Variants in PPP1R12B observed in about 807,000 individuals in gnomAD.
The protein encoded by PPP1R12B is protein phosphatase 1 regulatory subunit 12B.
A neutral mutation model predicts 126.1 loss-of-function variants in PPP1R12B; 76 were observed. The ratio of observed to expected loss-of-function variants is 0.60; its 90% CI spans 0.50 to 0.73. The LOEUF (loss-of-function observed/expected upper bound fraction) is 0.73, where lower values mean the gene tolerates loss of function less well. Ranked by LOEUF, PPP1R12B falls within the 30% of genes least tolerant of loss-of-function variation. PPP1R12B has a pLI of 0.00. For synonymous variants in PPP1R12B, 356 were observed against 434.7 expected, an observed-to-expected ratio of 0.82 and a Z score of 2.25; for missense variants, 1,052 against 1,205.1, an observed-to-expected ratio of 0.87 and a Z score of 1.88.
chr1:202,482,046 C>G (rs115153378), intron 13 of PPP1R12B, among the ~76,000 whole-genome samples: 1 of 151,900 alleles, frequency 6.6e-6, no homozygotes, highest in Non-Finnish European at 1.5e-5. Context: ...CCAGGTTCAT[C>G]TGTGTTGTTG....
At chr1:202,575,751 T>C (rs1361420490) in intron 23 of PPP1R12B, 1 of 152,230 alleles carries the variant, frequency 6.6e-6, no homozygotes. Context: ...GTGGTCTGGG[T>C]TGAGACCCAG....
At chr1:202,564,970 A>G (rs1301949486) in intron 21 of PPP1R12B, among the ~76,000 whole-genome samples, 1 of 152,224 alleles carries the variant, frequency 6.6e-6, no homozygotes, top group African/African-American at 2.4e-5. Flanking sequence ...AATTAAGCCT[A>G]GAGAAGTAAG....
chr1:202,437,657 T>C (rs1210447704), intron 9 of PPP1R12B, among the ~76,000 whole-genome samples, 164 bp from the exon 10 acceptor site: 90 of 152,296 alleles, frequency 5.9e-4, no homozygotes, highest in African/African-American at 2.0e-3. Flanking sequence ...TAGCTTTTGC[T>C]GGGTGAGGGA....
intron 13 of PPP1R12B, among the ~76,000 whole-genome samples, chr1:202,474,511 C>T (rs571778714): frequency 3.9e-5 from 6 of 152,076 alleles, no homozygotes; most frequent in East Asian, 1.9e-4. Context: ...CTCCTGGCCT[C>T]GGGTAATCTG....
At chr1:202,447,724 A>G (rs1396580975) in intron 12 of PPP1R12B, among the ~76,000 whole-genome samples, 5 of 152,252 alleles carry the variant, frequency 3.3e-5, no homozygotes, top group Non-Finnish European at 5.9e-5. Context: ...AATTACAGTG[A>G]GACCAAAACA....
At chr1:202,466,298 T>C (rs542015182) in intron 13 of PPP1R12B, among the ~76,000 whole-genome samples, 46 of 152,248 alleles carry the variant, frequency 3.0e-4, no homozygotes, top group Non-Finnish European at 5.7e-4. Flanking sequence ...AATTACTAAA[T>C]TCCTTAGTCA....
intron 18 of PPP1R12B, among the ~76,000 whole-genome samples, chr1:202,531,867 C>T (rs1301735470): frequency 1.3e-5 from 2 of 152,286 alleles, no homozygotes; most frequent in African/African-American, 2.4e-5. Flanking sequence ...ACTAGAAAAG[C>T]AGTCCGATCT....
At chr1:202,538,036 T>C (rs1684729161) in intron 18 of PPP1R12B, among the ~76,000 whole-genome samples, 1 of 152,256 alleles carries the variant, frequency 6.6e-6, no homozygotes, top group Non-Finnish European at 1.5e-5. Flanking sequence ...TCGCCCAGGC[T>C]AGAGTGCAAT....
chr1:202,458,890 C>G (rs1344926990), intron 13 of PPP1R12B, among the ~76,000 whole-genome samples: 3 of 152,204 alleles, frequency 2.0e-5, no homozygotes, highest in Non-Finnish European at 2.9e-5. Context: ...GGCTTTAAAA[C>G]TGGCCACAGC....
At chr1:202,359,563 G>A (rs1020237262) in intron 1 of PPP1R12B, among the ~76,000 whole-genome samples, 5 of 151,670 alleles carry the variant, frequency 3.3e-5, no homozygotes, top group Admixed American at 2.0e-4. Flanking sequence ...GTGAATCACC[G>A]GAGGTCAGGA....
In PPP1R12B at chr1:202,583,438, T is replaced by C. The variant is rs1443491601; in HGVS notation, c.*2878T>C. 2.0e-5 allele frequency: 3 copies of C among 152,216 alleles called. No individual in the cohort carries two copies. The highest frequency in any genetic ancestry group is 4.4e-5 in the Non-Finnish European group (3 of 68,042). 9.4% of individuals were successfully genotyped at this position (152,216 alleles called of 1,614,324 possible). A position where few individuals can be genotyped will look rare whatever the true frequency, so the allele number is the denominator to read the frequency against. ...CCTTGTGACAAGAAATTTGCAAGCT[T>C]TTCAATCTCAGGAATACTGGATTCT... On this transcript the variant is annotated 3_prime_UTR_variant, in exon 24 of 24. Transcript: ENST00000608999.
rs968415635 is a variant in PPP1R12B, at chr1:202,427,434, A to T, written c.846+250A>T. On this transcript the variant is annotated intron_variant, in intron 5 of 23. Coordinates refer to ENST00000608999, the MANE Select transcript of PPP1R12B (RefSeq NM_002481.4). ...AGCCTCTAAAACAGGAAAAAAATAT[A>T]TTTGTTCTTGGCAAAAAATGAGCTT... is the stretch of plus-strand genomic sequence containing the variant. Among the ~76,000 whole-genome samples the T allele has an allele frequency of 1.3e-4, 20 of 152,086 alleles. 1 individual carries two copies. Among genetic ancestry groups the T allele is most frequent in the Admixed American group, 5.2e-4 (8 of 15,266 alleles).
chr1:202,411,471 C>T (rs555706442), intron 1 of PPP1R12B, among the ~76,000 whole-genome samples: 19 of 149,622 alleles, frequency 1.3e-4, no homozygotes, highest in African/African-American at 4.1e-4. Flanking sequence ...TGCAGTTAGA[C>T]TTACAAACAA....
intron 1 of PPP1R12B, among the ~76,000 whole-genome samples, chr1:202,361,762 A>AT (rs1658258785): frequency 6.6e-6 from 1 of 152,232 alleles, no homozygotes; most frequent in Admixed American, 6.5e-5. Flanking sequence ...AACTAAAAAA[A>AT]AAATAGTAAC....
chr1:202,367,655 C>A (rs1054986978), intron 1 of PPP1R12B, among the ~76,000 whole-genome samples: 9 of 152,190 alleles, frequency 5.9e-5, no homozygotes, highest in Non-Finnish European at 1.3e-4. Context: ...TGTAGTGAAG[C>A]ACTTCCAGGC....
intron 1 of PPP1R12B, among the ~76,000 whole-genome samples, chr1:202,415,450 T>G (rs1318392680): frequency 5.9e-5 from 9 of 152,238 alleles, no homozygotes; most frequent in Non-Finnish European, 1.2e-4. Context: ...TTAGCCTTGT[T>G]TTTTAAAGGA....
At chr1:202,506,879 G>A (rs1182510389) in intron 18 of PPP1R12B, among the ~76,000 whole-genome samples, 4 of 152,152 alleles carry the variant, frequency 2.6e-5, no homozygotes, top group Non-Finnish European at 4.4e-5. Flanking sequence ...AAAATTCATA[G>A]GGCTACTTTC....
chr1:202,557,888 G>GC (rs1687121060), intron 18 of PPP1R12B, among the ~76,000 whole-genome samples: 1 of 152,146 alleles, frequency 6.6e-6, no homozygotes. Context: ...TGTAGGGTGT[G>GC]GTGTGTTGGG....
chr1:202,464,685 C>T (rs1239263921), intron 13 of PPP1R12B, among the ~76,000 whole-genome samples: 1 of 152,156 alleles, frequency 6.6e-6, no homozygotes, highest in Non-Finnish European at 1.5e-5. Flanking sequence ...GTTTCTTACT[C>T]AGCTAATTGG....
Sources: allele counts gnomAD v4.1 joint callset (sites outside exome capture counted in the v4.1 genomes callset), GRCh38; gene constraint gnomAD v4.1.1; transcripts MANE v1.5; gene names NCBI Gene and HGNC (gene_info 2026-07-23, HGNC 2026-07-21).